Variants in PDZRN4 observed in about 807,000 individuals in gnomAD.
The protein encoded by PDZRN4 is PDZ domain-containing RING finger protein 4.
Under a neutral mutation model 99.0 loss-of-function variants are expected in PDZRN4, and 70 were observed. The ratio of observed to expected loss-of-function variants is 0.71; its 90% confidence interval spans 0.58 to 0.86. PDZRN4 has a LOEUF of 0.86. Among genes scored for constraint, PDZRN4 ranks in the 40% least tolerant of loss-of-function variants. PDZRN4 has a pLI of 0.00. For missense variants in PDZRN4, 1,474 were observed against 1,331.2 expected (o/e 1.11, Z -1.67); for synonymous variants, 551 against 501.6 (o/e 1.10, Z -1.32).
At chr12:41,361,301 A>C (rs1003047169) in intron 3 of PDZRN4, among the ~76,000 whole-genome samples, 2 of 152,104 alleles carry the variant, frequency 1.3e-5, no homozygotes, top group African/African-American at 4.8e-5. Context: ...TGGAAATGCT[A>C]ATGAAATATA....
At chr12:41,207,280 C>A (rs1352635956) in intron 3 of PDZRN4, among the ~76,000 whole-genome samples, 1 of 151,664 alleles carries the variant, frequency 6.6e-6, no homozygotes, top group Non-Finnish European at 1.5e-5. Context: ...GTCATTGAGG[C>A]ATACTTAATT....
intron 3 of PDZRN4, among the ~76,000 whole-genome samples, chr12:41,351,128 GT>G (rs1265280426): frequency 1.3e-5 from 2 of 152,192 alleles, no homozygotes; most frequent in African/African-American, 2.4e-5. Context: ...TATGACTTGA[GT>G]TTTACATACA....
intron 3 of PDZRN4, among the ~76,000 whole-genome samples, chr12:41,392,372 A>G (rs1399362424): frequency 6.6e-6 from 1 of 152,152 alleles, no homozygotes; most frequent in East Asian, 1.9e-4. Flanking sequence ...CATGTGATTC[A>G]CTTCAATACT....
chr12:41,396,519 C>A (rs1321060452), intron 3 of PDZRN4, among the ~76,000 whole-genome samples: 1 of 152,066 alleles, frequency 6.6e-6, no homozygotes, highest in Non-Finnish European at 1.5e-5. Context: ...CAGCTAAAAA[C>A]AAACATTATT....
intron 5 of PDZRN4, among the ~76,000 whole-genome samples, chr12:41,544,235 T>C (rs1938910386): frequency 6.6e-6 from 1 of 152,210 alleles, no homozygotes; most frequent in African/African-American, 2.4e-5. Flanking sequence ...AGTAACTTCA[T>C]AGATAATTTT....
At chr12:41,571,612 AC>A (rs1939481287) in intron 9 of PDZRN4, among the ~76,000 whole-genome samples, 1 of 152,144 alleles carries the variant, frequency 6.6e-6, no homozygotes, top group Admixed American at 6.6e-5. Flanking sequence ...GAGTCCTAAA[AC>A]ATTGTTGTTG....
At chr12:41,270,324 GTC>G (rs1234979161) in intron 3 of PDZRN4, among the ~76,000 whole-genome samples, 1,635 of 130,988 alleles carry the variant, frequency 0.012, 43 homozygotes, top group African/African-American at 0.043. Flanking sequence ...GTGTGTGTGT[GTC>G]TGTGTGTGTG....
At chr12:41,525,363 G>A (rs560122036) in intron 5 of PDZRN4, among the ~76,000 whole-genome samples, 7 of 152,252 alleles carry the variant, frequency 4.6e-5, no homozygotes, top group African/African-American at 1.7e-4. Context: ...CTTAGTACTT[G>A]TGAGACGTCT....
At chr12:41,320,207 A>G (rs1211757064) in intron 3 of PDZRN4, among the ~76,000 whole-genome samples, 1 of 152,098 alleles carries the variant, frequency 6.6e-6, no homozygotes, top group Non-Finnish European at 1.5e-5. Flanking sequence ...TCGCCATCCC[A>G]CTTCACATTC....
At chr12:41,555,044 TAAAAATACA>T (rs1939124884) in intron 6 of PDZRN4, among the ~76,000 whole-genome samples, 1 of 65,666 alleles carries the variant, frequency 1.5e-5, no homozygotes, top group Non-Finnish European at 3.0e-5. Context: ...CCATCTCTAC[TAAAAATACA>T]AAAAAAAAAA....
At chr12:41,426,722 G>C (rs1952540388) in intron 3 of PDZRN4, among the ~76,000 whole-genome samples, 1 of 152,204 alleles carries the variant, frequency 6.6e-6, no homozygotes, top group African/African-American at 2.4e-5. Flanking sequence ...ATTAGTAACA[G>C]ATCCAGTAAT....
At chr12:41,555,241 A>AAGAAAAG (rs1555152869) in intron 6 of PDZRN4, among the ~76,000 whole-genome samples, 1 of 119,962 alleles carries the variant, frequency 8.3e-6, no homozygotes, top group Non-Finnish European at 1.6e-5. Context: ...AAAAAAAAAA[A>AAGAAAAG]AAAAAAAAGA....
At chr12:41,191,287 C>A (rs1392913186) in intron 1 of PDZRN4, among the ~76,000 whole-genome samples, 171 bp from the exon 2 acceptor site, 2 of 152,180 alleles carry the variant, frequency 1.3e-5, no homozygotes, top group Non-Finnish European at 1.5e-5. Context: ...TACATACTTG[C>A]AAAGTAAGTA....
chr12:41,284,469 CTAT>C (rs1290196101), intron 3 of PDZRN4, among the ~76,000 whole-genome samples: 6 of 152,100 alleles, frequency 3.9e-5, no homozygotes, highest in African/African-American at 1.4e-4. Context: ...TTCCAACAAG[CTAT>C]TATTGACTTT....
chr12:41,238,898 G>A (rs1373140385), intron 3 of PDZRN4, among the ~76,000 whole-genome samples: 1 of 152,206 alleles, frequency 6.6e-6, no homozygotes, highest in Non-Finnish European at 1.5e-5. Flanking sequence ...GTGAAAGACA[G>A]TGTGGTGATT....
At chr12:41,219,222 T>G (rs1464466434) in intron 3 of PDZRN4, among the ~76,000 whole-genome samples, 1 of 151,954 alleles carries the variant, frequency 6.6e-6, no homozygotes, top group Non-Finnish European at 1.5e-5. Flanking sequence ...ACCCTAGTTC[T>G]AGCTGAGGTT....
intron 3 of PDZRN4, among the ~76,000 whole-genome samples, chr12:41,372,837 AT>A (rs1193212859): frequency 6.6e-6 from 1 of 152,106 alleles, no homozygotes; most frequent in African/African-American, 2.4e-5. Context: ...GGATATTTTG[AT>A]TTGGAAAGAA....
chr12:41,442,117 G>A (rs1368656357), intron 3 of PDZRN4, among the ~76,000 whole-genome samples: 5 of 152,176 alleles, frequency 3.3e-5, no homozygotes, highest in Middle Eastern at 3.4e-3. Context: ...CCTCTTGAGT[G>A]GCTTCTAGGT....
intron 3 of PDZRN4, among the ~76,000 whole-genome samples, chr12:41,471,601 G>A (rs943810983): frequency 6.7e-6 from 1 of 150,356 alleles, no homozygotes; most frequent in Non-Finnish European, 1.5e-5. Context: ...ACCATTTGAT[G>A]ATGTTAATGA....
Sources: gnomAD v4.1 joint callset for allele counts (sites outside exome capture counted in the v4.1 genomes callset) on GRCh38, gnomAD v4.1.1 for gene constraint, MANE v1.5 for transcripts, NCBI Gene and HGNC (gene_info 2026-07-23, HGNC 2026-07-21) for gene names.